Variants in SLCO1B1 observed in about 807,000 individuals in gnomAD.
SLCO1B1 encodes the protein OATP-2.
Under a neutral mutation model 70.1 loss-of-function variants are expected in SLCO1B1, and 81 were observed. The ratio of observed to expected loss-of-function variants is 1.16; its 90% confidence interval spans 0.97 to 1.39. The LOEUF is 1.39. Ranked by LOEUF, SLCO1B1 falls within the 40% of genes most tolerant of loss-of-function variation. The probability of loss-of-function intolerance (pLI) is 0.00; values close to 1 mark genes in which losing one functional copy is unlikely to be tolerated. For synonymous variants in SLCO1B1, 283 were observed against 271.5 expected (o/e 1.04, Z -0.42); for missense variants, 895 against 799.6 (o/e 1.12, Z -1.44).
At chr12:21,216,225 T>C (rs1043206621) in intron 11 of SLCO1B1, among the ~76,000 whole-genome samples, 2 of 152,120 alleles carry the variant, frequency 1.3e-5, no homozygotes, top group Non-Finnish European at 2.9e-5. Context: ...AAAGCTTAGT[T>C]TTATTGACCA....
At chr12:21,176,749 A>G (rs1940825369) in intron 4 of SLCO1B1, 27 bp from the exon 5 acceptor site, 3 of 1,493,494 alleles carry the variant, frequency 2.0e-6, no homozygotes, top group African/African-American at 2.8e-5. Context: ...GATAAGCAAA[A>G]TGTTTAATTC....
chr12:21,141,531 A>G lies in SLCO1B1; in HGVS notation c.-44A>G. 8.7e-7 allele frequency: 1 copy of G among 1,147,832 alleles called. No homozygotes were observed. Among genetic ancestry groups the G allele is most frequent in the South Asian group, 1.2e-5 (1 of 80,206 alleles). 71.1% of individuals were successfully genotyped at this position (1,147,832 alleles called of 1,614,324 possible). On this transcript the variant is annotated 5_prime_UTR_variant, in exon 2 of 15. Coordinates refer to ENST00000256958, the MANE Select transcript of SLCO1B1 (RefSeq NM_006446.5). ...CTTAATAGGTGATTGTTTCAAACTG[A>G]GCATCAACAACAAAAACATTTGTAT...
intron 13 of SLCO1B1, among the ~76,000 whole-genome samples, chr12:21,223,497 T>C (rs1006120850): frequency 3.3e-5 from 5 of 152,174 alleles, no homozygotes; most frequent in Non-Finnish European, 7.3e-5. Flanking sequence ...AAATAAACTG[T>C]TAGCATATAT....
At chr12:21,211,738 A>C (rs145948311) in intron 11 of SLCO1B1, among the ~76,000 whole-genome samples, 10 of 152,152 alleles carry the variant, frequency 6.6e-5, no homozygotes, top group East Asian at 1.9e-4. Context: ...ACAATTTCAG[A>C]TCCTGTTATT....
intron 11 of SLCO1B1, among the ~76,000 whole-genome samples, chr12:21,215,775 G>T (rs1941350488): frequency 6.6e-6 from 1 of 152,094 alleles, no homozygotes; most frequent in South Asian, 2.1e-4. Context: ...GAATAATTTA[G>T]TACAGTGGGT....
chr12:21,134,603 T>G (rs1469648262), intron 1 of SLCO1B1, among the ~76,000 whole-genome samples: 1 of 152,230 alleles, frequency 6.6e-6, no homozygotes, highest in African/African-American at 2.4e-5. Context: ...TCTGCTAGAT[T>G]TTCTAGTTTA....
chr12:21,208,605 A>C (rs1325473594), intron 11 of SLCO1B1, among the ~76,000 whole-genome samples: 1 of 152,040 alleles, frequency 6.6e-6, no homozygotes, highest in Non-Finnish European at 1.5e-5. Flanking sequence ...TGCTTTGACT[A>C]TTCAGTCTCT....
intron 2 of SLCO1B1, among the ~76,000 whole-genome samples, chr12:21,142,474 C>T (rs952796161): frequency 6.6e-6 from 1 of 151,918 alleles, no homozygotes; most frequent in Non-Finnish European, 1.5e-5. Context: ...ATAAGGGTCA[C>T]CTTTTATCAA....
At chr12:21,208,344 A>G (rs1032164063) in intron 11 of SLCO1B1, among the ~76,000 whole-genome samples, 5 of 152,064 alleles carry the variant, frequency 3.3e-5, no homozygotes, top group Non-Finnish European at 2.9e-5. Flanking sequence ...ATTTCTCTGC[A>G]TAGTTAGCCA....
chr12:21,176,803 C>A lies in SLCO1B1; in HGVS notation c.387C>A (p.Ile129=). 2 of 1,539,986 alleles carry A rather than the reference C, an allele frequency of 1.3e-6. No individual in the cohort carries two copies. Among genetic ancestry groups the A allele is most frequent in the Non-Finnish European group, 1.8e-6 (2 of 1,113,692 alleles). ...GYYRYSKETN[I]NSSENSTSTL... ...ACAGGTATTCTAAAGAAACTAATATCAATTCATCAGAAAATTCAACATCGA... is the reference window on the plus strand; with the variant it reads ...ACAGGTATTCTAAAGAAACTAATATAAATTCATCAGAAAATTCAACATCGA... The change falls in exon 5 of 15, where the codon ATC becomes ATA. Residue 129 remains isoleucine, a synonymous_variant. Transcript: ENST00000256958.
chr12:21,203,392 G>T (rs1417211601), intron 10 of SLCO1B1, among the ~76,000 whole-genome samples: 1 of 151,944 alleles, frequency 6.6e-6, no homozygotes, highest in Non-Finnish European at 1.5e-5. Flanking sequence ...AGAATCCTAT[G>T]CAGTTTTCTG....
intron 8 of SLCO1B1, among the ~76,000 whole-genome samples, chr12:21,199,943 A>C (rs1941136629): frequency 6.6e-6 from 1 of 152,030 alleles, no homozygotes. Flanking sequence ...CTAAGATTAC[A>C]GGTGTGTGCC....
chr12:21,181,880 TATATC>T (rs1252954093), intron 7 of SLCO1B1, among the ~76,000 whole-genome samples: 1 of 151,952 alleles, frequency 6.6e-6, no homozygotes, highest in Non-Finnish European at 1.5e-5. Context: ...AAGAAAAAGG[TATATC>T]ATGAGTGCAT....
At chr12:21,159,084 G>A (rs1056328458) in intron 2 of SLCO1B1, among the ~76,000 whole-genome samples, 1 of 152,106 alleles carries the variant, frequency 6.6e-6, no homozygotes, top group African/African-American at 2.4e-5. Flanking sequence ...GTTATGAGAT[G>A]CTGATCTGAA....
intron 11 of SLCO1B1, among the ~76,000 whole-genome samples, chr12:21,214,868 A>G (rs1306890317): frequency 2.0e-5 from 3 of 151,630 alleles, no homozygotes; most frequent in South Asian, 4.2e-4. Flanking sequence ...GGGAAAGGGA[A>G]CTCCCTGACC....
At chr12:21,160,734 AG>A (rs1940608180) in intron 2 of SLCO1B1, among the ~76,000 whole-genome samples, 1 of 152,340 alleles carries the variant, frequency 6.6e-6, no homozygotes, top group East Asian at 1.9e-4. Context: ...GACATCCTAC[AG>A]AATGGGAGAA....
At chr12:21,214,313 A>G (rs1941327953) in intron 11 of SLCO1B1, among the ~76,000 whole-genome samples, 1 of 151,060 alleles carries the variant, frequency 6.6e-6, no homozygotes, top group Non-Finnish European at 1.5e-5. Flanking sequence ...CTGTTGGAAT[A>G]CCCTGCCGTG....
At chr12:21,176,609 T>C (rs1940824167) in intron 4 of SLCO1B1, among the ~76,000 whole-genome samples, 167 bp from the exon 5 acceptor site, 1 of 152,110 alleles carries the variant, frequency 6.6e-6, no homozygotes, top group African/African-American at 2.4e-5. Flanking sequence ...ATTTCACTTT[T>C]ACCCATCACA....
intron 7 of SLCO1B1, among the ~76,000 whole-genome samples, chr12:21,187,100 G>A: frequency 6.6e-6 from 1 of 152,008 alleles, no homozygotes; most frequent in East Asian, 1.9e-4. Context: ...TCCTATCCTG[G>A]GGAAAAGAAA....
Sources: gnomAD v4.1 joint callset for allele counts (sites outside exome capture counted in the v4.1 genomes callset) on GRCh38, gnomAD v4.1.1 for gene constraint, MANE v1.5 for transcripts, NCBI Gene and HGNC (gene_info 2026-07-23, HGNC 2026-07-21) for gene names.